The following DENND4C variants were observed in gnomAD, a reference collection of about 807,000 sequenced individuals.
DENND4C encodes the protein DENN domain containing 4C, also known as DENN domain-containing protein 4C.
Under a neutral mutation model 203.0 loss-of-function variants are expected in DENND4C, and 108 were observed. The observed-to-expected ratio is 0.53, with a 90% CI of 0.46 to 0.62. The LOEUF (loss-of-function observed/expected upper bound fraction) is 0.62. DENND4C is among the 20% of genes least tolerant of loss of function. The probability of loss-of-function intolerance (pLI) is 0.00; values close to 1 mark genes in which losing one functional copy is unlikely to be tolerated. For missense variants in DENND4C, 2,481 were observed against 2,301.2 expected, an observed-to-expected ratio of 1.08 and a Z score of -1.60; for synonymous variants, 871 against 792.4, an observed-to-expected ratio of 1.10 and a Z score of -1.67.
At chr9:19,235,805 T>A (rs768821194) in intron 1 of DENND4C, among the ~76,000 whole-genome samples, 1 of 151,908 alleles carries the variant, frequency 6.6e-6, no homozygotes, top group Non-Finnish European at 1.5e-5. Flanking sequence ...AGAGATGGGG[T>A]TTCACCGTGG....
rs116114820 is a variant in DENND4C, at chr9:19,252,302, C to T, written c.-18+21469C>T. Reference sequence around the variant, plus strand: ...CCATGAGAACAGCATGGGAAAGACCCTCCCCTGTGATTCAATTACCTCTCA... The same window carrying T: ...CCATGAGAACAGCATGGGAAAGACCTTCCCCTGTGATTCAATTACCTCTCA... On this transcript the variant is annotated intron_variant, in intron 1 of 32. Coordinates refer to ENST00000434457, the MANE Select transcript of DENND4C (RefSeq NM_001330640.2). 6.6e-3 allele frequency among the ~76,000 whole-genome samples: 1,011 copies of T among 152,220 alleles called. 10 individuals carry two copies. The highest frequency in any genetic ancestry group is 0.023 in the African/African-American group (962 of 41,510).
intron 24 of DENND4C, among the ~76,000 whole-genome samples, chr9:19,351,101 C>T (rs1588970881): frequency 1.3e-5 from 2 of 151,974 alleles, no homozygotes; most frequent in Admixed American, 1.3e-4. Context: ...TGTAACTCCC[C>T]GCTCAATAAG....
chr9:19,234,117 CTGTTA>C (rs1458070393), intron 1 of DENND4C, among the ~76,000 whole-genome samples: 3 of 152,138 alleles, frequency 2.0e-5, no homozygotes, highest in Middle Eastern at 3.2e-3. Flanking sequence ...CTGTATATTA[CTGTTA>C]TTTTATGGCT....
intron 2 of DENND4C, among the ~76,000 whole-genome samples, chr9:19,283,255 T>A (rs925629493): frequency 2.0e-5 from 3 of 152,106 alleles, no homozygotes; most frequent in Admixed American, 2.0e-4. Context: ...ATCATCACTA[T>A]CTCTGCCTTC....
intron 2 of DENND4C, among the ~76,000 whole-genome samples, chr9:19,278,164 C>G (rs1405010605): frequency 1.4e-5 from 2 of 147,208 alleles, no homozygotes; most frequent in African/African-American, 2.5e-5. Flanking sequence ...GAGACAGAGT[C>G]TGGCTTCGTT....
intron 2 of DENND4C, among the ~76,000 whole-genome samples, chr9:19,283,112 G>T (rs750682478): frequency 2.6e-5 from 4 of 151,950 alleles, no homozygotes; most frequent in Non-Finnish European, 5.9e-5. Context: ...AAGCAATTCT[G>T]CATTGGCCCC....
At position 19,332,137 on chromosome 9, in the gene DENND4C, G is replaced by C. The variant is rs140124218; in HGVS notation, c.2413G>C (p.Asp805His). ...PKVRALQQAY[D>H]VLIKMRKTDV... is the part of the protein sequence containing the mutation. ...AGTCAGAGCACTTCAGCAGGCATAT[G>C]ATGTACTTATTAAGATGAGGAAAAC... is the stretch of plus-strand genomic sequence containing the variant. Residue 805 changes from aspartate (D) to histidine (H), a missense_variant, in exon 17 of 33, where the codon GAT (aspartate) becomes CAT (histidine). By Grantham distance (81) the Asp-to-His change is moderately conservative. Around this residue, in one of 3 missense-constraint regions of DENND4C, gnomAD observed 2,289 missense variants for 2,113.3 expected, o/e 1.08. Transcript: ENST00000434457. 33 of 1,613,886 alleles carry C rather than the reference G, an allele frequency of 2.0e-5. No homozygotes were observed. The highest frequency in any genetic ancestry group is 4.0e-5 in the African/African-American group (3 of 74,920).
chr9:19,257,400 T>C (rs1341584768), intron 1 of DENND4C, among the ~76,000 whole-genome samples: 1 of 150,280 alleles, frequency 6.7e-6, no homozygotes, highest in Non-Finnish European at 1.5e-5. Flanking sequence ...ATTTGTGGGG[T>C]ACCACTAAAA....
chr9:19,372,187 A>C lies in DENND4C; in HGVS notation c.*14A>C. 2 of 1,600,552 alleles carry C rather than the reference A, an allele frequency of 1.2e-6. No homozygotes were observed. The highest frequency in any genetic ancestry group is 1.7e-6 in the Non-Finnish European group (2 of 1,174,504). ...CCTCTCATTTAAATAGAGATTCACTAGAATGTTGACACACAAGGCTTGGGG... is the reference window on the plus strand; with the variant it reads ...CCTCTCATTTAAATAGAGATTCACTCGAATGTTGACACACAAGGCTTGGGG... On this transcript the variant is annotated 3_prime_UTR_variant, in exon 33 of 33. Coordinates refer to ENST00000434457, the MANE Select transcript of DENND4C (RefSeq NM_001330640.2).
At chr9:19,297,722 TA>T (rs1471735253) in intron 6 of DENND4C, among the ~76,000 whole-genome samples, 1 of 152,184 alleles carries the variant, frequency 6.6e-6, no homozygotes, top group African/African-American at 2.4e-5. Flanking sequence ...AAATTCATTA[TA>T]GCACAGTTAG....
intron 16 of DENND4C, among the ~76,000 whole-genome samples, chr9:19,330,042 T>C (rs556439223): frequency 6.6e-6 from 1 of 152,338 alleles, no homozygotes; most frequent in South Asian, 2.1e-4. Context: ...CCTAGAGATA[T>C]CCTGAGGTAT....
intron 1 of DENND4C, among the ~76,000 whole-genome samples, chr9:19,275,208 C>G (rs1166939777): frequency 1.3e-5 from 2 of 151,562 alleles, no homozygotes; most frequent in East Asian, 3.9e-4. Flanking sequence ...AAATTCCTGA[C>G]CTCAAGTGAT....
At chr9:19,323,707 T>G (rs755172557) in intron 12 of DENND4C, among the ~76,000 whole-genome samples, 1 of 152,144 alleles carries the variant, frequency 6.6e-6, no homozygotes, top group African/African-American at 2.4e-5. Flanking sequence ...AGGAAGGACA[T>G]TGACTCTTTG....
chr9:19,270,659 T>A (rs80261658), intron 1 of DENND4C, among the ~76,000 whole-genome samples: 2,341 of 152,316 alleles, frequency 0.015, 53 homozygotes, highest in African/African-American at 0.053. Flanking sequence ...CTGTGACCAG[T>A]GATGAACATA....
chr9:19,247,892 C>G (rs1021661618), intron 1 of DENND4C, among the ~76,000 whole-genome samples: 2 of 152,318 alleles, frequency 1.3e-5, no homozygotes, highest in Admixed American at 1.3e-4. Flanking sequence ...CCTTTTACTT[C>G]CAATCCACCA....
chr9:19,328,844 T>G (rs934517617), intron 16 of DENND4C, among the ~76,000 whole-genome samples: 1 of 151,690 alleles, frequency 6.6e-6, no homozygotes, highest in African/African-American at 2.4e-5. Context: ...AGGTCAGGAG[T>G]TCGAGACCAG....
chr9:19,307,756 C>T (rs1446795996), intron 10 of DENND4C, among the ~76,000 whole-genome samples: 7 of 139,302 alleles, frequency 5.0e-5, no homozygotes, highest in East Asian at 2.1e-4. Flanking sequence ...GGCGACAGAG[C>T]GAGACTCTGT....
chr9:19,300,464 C>G (rs892328733), intron 9 of DENND4C, 133 bp downstream of exon 9: 16 of 838,292 alleles, frequency 1.9e-5, no homozygotes, highest in Non-Finnish European at 2.1e-5. Context: ...AATTTCCAGC[C>G]CAGTAAAAGT....
intron 1 of DENND4C, among the ~76,000 whole-genome samples, chr9:19,260,057 C>A (rs1377567734): frequency 6.6e-6 from 1 of 152,130 alleles, no homozygotes; most frequent in Non-Finnish European, 1.5e-5. Context: ...CCATAGTTAC[C>A]ATACTAGTTT....
Sources: allele counts gnomAD v4.1 joint callset (sites outside exome capture counted in the v4.1 genomes callset), GRCh38; gene constraint gnomAD v4.1.1; regional missense constraint gnomAD v4.1.1; transcripts MANE v1.5; gene names NCBI Gene and HGNC (gene_info 2026-07-23, HGNC 2026-07-21).